The following UNC80 variants were observed in gnomAD, a reference collection of about 807,000 sequenced individuals.
UNC80 encodes unc-80 subunit of NALCN channel complex.
In UNC80, 164 loss-of-function variants were observed where a neutral mutation model predicts 384.6. That is an observed-to-expected ratio of 0.43 (90% CI 0.38 to 0.49). UNC80 has a LOEUF of 0.49. UNC80 is among the 20% of genes least tolerant of loss of function. UNC80 has a pLI of 0.00. For missense variants in UNC80, 3,330 were observed against 4,143.0 expected, an observed-to-expected ratio of 0.80 and a Z score of 5.39; for synonymous variants, 1,486 against 1,527.8, an observed-to-expected ratio of 0.97 and a Z score of 0.64.
At chr2:209,802,099 G>C (rs2078599191) in intron 7 of UNC80, among the ~76,000 whole-genome samples, 1 of 152,084 alleles carries the variant, frequency 6.6e-6, no homozygotes. Context: ...ATCTTAAAAA[G>C]TGTTGAACTT....
intron 60 of UNC80, among the ~76,000 whole-genome samples, chr2:209,984,400 A>G (rs1412745971): frequency 6.6e-6 from 1 of 152,128 alleles, no homozygotes; most frequent in Non-Finnish European, 1.5e-5. Context: ...AGTTCATGGT[A>G]AGTGGTTTCT....
intron 56 of UNC80, among the ~76,000 whole-genome samples, chr2:209,973,494 C>CA (rs1343349228): frequency 7.2e-5 from 11 of 152,094 alleles, no homozygotes; most frequent in East Asian, 1.9e-4. Context: ...ATTACCCTTG[C>CA]AAAAAAAGTC....
intron 6 of UNC80, among the ~76,000 whole-genome samples, chr2:209,791,794 T>C (rs2077817511): frequency 9.1e-6 from 1 of 110,220 alleles, no homozygotes; most frequent in Non-Finnish European, 1.7e-5. Context: ...CACTCCAGCC[T>C]GGGCGACAGA....
intron 7 of UNC80, 122 bp from the exon 8 acceptor site, chr2:209,813,458 A>T (rs1347427717): frequency 1.9e-6 from 2 of 1,051,332 alleles, no homozygotes; most frequent in East Asian, 2.6e-5. Context: ...AGAGTAAACT[A>T]CGTAAGAAAC....
intron 59 of UNC80, among the ~76,000 whole-genome samples, chr2:209,980,057 G>T (rs563403939): frequency 6.3e-4 from 96 of 152,300 alleles, no homozygotes; most frequent in African/African-American, 2.0e-3. Flanking sequence ...ATTGTCCTGT[G>T]CCTGGCCTAT....
rs1049134464 is a variant in UNC80, at chr2:209,852,354, A to G, written c.3627+2731A>G. ...GCAAAAAGAGAGAGAATCTGGGTAG[A>G]CATGATTGGTTGGATAAAAGGCATA... On this transcript the variant is annotated intron_variant, in intron 22 of 64. Coordinates refer to ENST00000673920, the MANE Select transcript of UNC80 (RefSeq NM_001371986.1). Among the ~76,000 whole-genome samples, 6 of 152,098 alleles carry G rather than the reference A, an allele frequency of 3.9e-5. No homozygotes were observed. The South Asian group carries it at 1.2e-3, about 32-fold the overall frequency.
At position 209,976,379 on chromosome 2, in the gene UNC80, G is replaced by A; in HGVS notation, c.8772+76G>A. The A allele has an allele frequency of 6.5e-7, 1 of 1,536,278 alleles. No individual in the cohort carries two copies. Among genetic ancestry groups the A allele is most frequent in the South Asian group, 1.2e-5 (1 of 83,268 alleles). Reference sequence around the variant, plus strand: ...GGCTCTCTACTGAGGCAGGAATATGGCAGGAGTGCTCATGGTACCTACTGT... The same window carrying A: ...GGCTCTCTACTGAGGCAGGAATATGACAGGAGTGCTCATGGTACCTACTGT... On this transcript the variant is annotated intron_variant, in intron 57 of 64. Coordinates refer to ENST00000673920, the MANE Select transcript of UNC80 (RefSeq NM_001371986.1). The surrounding 1 kb of genome is among the most constrained non-coding windows in gnomAD (Gnocchi z 4.3).
rs1575075854 is a variant in UNC80 at position 209,936,880 on chromosome 2, T to G, written c.6310T>G (p.Ser2104Ala). Residue 2104 changes from serine (S) to alanine (A), a missense_variant, in exon 41 of 65, where the codon TCA becomes GCA. Ser to Ala is a moderately conservative substitution (Grantham distance 99). Coordinates refer to ENST00000673920, the MANE Select transcript of UNC80 (RefSeq NM_001371986.1). ...GTTTTTTAATATCCCAGAATCCCAG[T>G]CAACACATTATTTTCTTATGGATAA... is the stretch of plus-strand genomic sequence containing the variant. ...LEFFNIPESQSTHYFLMDKRW... is the reference protein window; with the variant it reads ...LEFFNIPESQATHYFLMDKRW... 6.4e-7 allele frequency: 1 copy of G among 1,551,160 alleles called. No individual in the cohort carries two copies. Among genetic ancestry groups the G allele is most frequent in the Non-Finnish European group, 8.7e-7 (1 of 1,146,526 alleles).
intron 46 of UNC80, 35 bp from the exon 47 acceptor site, chr2:209,945,812 C>T (rs1408946474): frequency 1.4e-6 from 2 of 1,442,640 alleles, no homozygotes; most frequent in African/African-American, 1.4e-5. Context: ...GCAAAATCCA[C>T]TCTGATAGTT....
At chr2:209,937,055 C>A in intron 41 of UNC80, 122 bp downstream of exon 41, 1 of 649,990 alleles carries the variant, frequency 1.5e-6, no homozygotes, top group South Asian at 1.9e-5. Context: ...CCACCTGGGT[C>A]ACACCATCTT....
chr2:209,852,249 G>A (rs1260675611), intron 22 of UNC80, among the ~76,000 whole-genome samples: 1 of 152,024 alleles, frequency 6.6e-6, no homozygotes, highest in Admixed American at 6.6e-5. Flanking sequence ...AGGTCAAGCT[G>A]TGTGTAGTGT....
chr2:209,866,488 C>CACACACA (rs1559226539), intron 22 of UNC80, among the ~76,000 whole-genome samples: 3 of 106,730 alleles, frequency 2.8e-5, no homozygotes, highest in East Asian at 2.6e-4. Flanking sequence ...CAAAATGCAC[C>CACACACA]CCCACACACA....
intron 27 of UNC80, 85 bp from the exon 28 acceptor site, chr2:209,896,228 C>A: frequency 8.0e-7 from 1 of 1,242,272 alleles, no homozygotes; most frequent in Non-Finnish European, 1.2e-6. Flanking sequence ...CCCTAGGATT[C>A]AGAAGCATGG....
intron 61 of UNC80, among the ~76,000 whole-genome samples, chr2:209,985,383 T>C (rs2093265588): frequency 6.6e-6 from 1 of 152,226 alleles, no homozygotes; most frequent in South Asian, 2.1e-4. Flanking sequence ...ATAAAAAGAA[T>C]AGTAATGTGG....
chr2:209,773,947 G>A (rs953767220), intron 2 of UNC80, among the ~76,000 whole-genome samples: 1 of 152,310 alleles, frequency 6.6e-6, no homozygotes, highest in Non-Finnish European at 1.5e-5. Context: ...CACAAATTGA[G>A]AAAATAAGAC....
chr2:209,908,576 C>A (rs6739769), intron 29 of UNC80, among the ~76,000 whole-genome samples: 4 of 152,088 alleles, frequency 2.6e-5, no homozygotes, highest in African/African-American at 9.7e-5. Flanking sequence ...AGATTAAATT[C>A]TTTCCTCTTT....
rs2079664882 is a variant in UNC80, at chr2:209,815,444, T to C, written c.1335+53T>C. 4 of 1,525,428 alleles carry C rather than the reference T, an allele frequency of 2.6e-6. No homozygotes were observed. In the African/African-American group the frequency reaches 4.2e-5, roughly 16 times the overall value. 94.5% of individuals were successfully genotyped at this position (1,525,428 alleles called of 1,614,324 possible). ...TATTTTGGTAAATAAAAAATGTCAG[T>C]GGGACATGAGATGTTTCTGATGATA... On this transcript the variant is annotated intron_variant, in intron 9 of 64. Transcript: ENST00000673920.
chr2:209,908,537 A>G (rs941068867), intron 29 of UNC80, among the ~76,000 whole-genome samples: 2 of 152,244 alleles, frequency 1.3e-5, no homozygotes, highest in African/African-American at 4.8e-5. Flanking sequence ...TAAATGTTTA[A>G]TTAATGCTTG....
chr2:209,987,615 G>A (rs1275887797), intron 61 of UNC80, among the ~76,000 whole-genome samples: 4 of 152,164 alleles, frequency 2.6e-5, no homozygotes, highest in African/African-American at 9.7e-5. Context: ...CAAAGAATTA[G>A]ATTTTGGTTG....
Sources: allele counts gnomAD v4.1 joint callset (sites outside exome capture counted in the v4.1 genomes callset), GRCh38; gene constraint gnomAD v4.1.1; non-coding constraint Gnocchi (gnomAD v3.1); transcripts MANE v1.5; gene names NCBI Gene and HGNC (gene_info 2026-07-23, HGNC 2026-07-21).